MYO16: variants seen among roughly 807,000 people sequenced by gnomAD.
MYO16 encodes the protein myosin XVI.
Under a neutral mutation model 205.3 loss-of-function variants are expected in MYO16, and 94 were observed. That is an observed-to-expected ratio of 0.46 (90% confidence interval 0.39 to 0.54). The LOEUF (loss-of-function observed/expected upper bound fraction) is 0.54, where lower values mean the gene tolerates loss of function less well. Ranked by LOEUF, MYO16 falls within the 20% of genes least tolerant of loss-of-function variation. The pLI is 0.00. For synonymous variants in MYO16, 988 were observed against 954.0 expected (o/e 1.04, Z -0.66); for missense variants, 2,315 against 2,387.5 (o/e 0.97, Z 0.63).
chr13:109,192,486 C>T (rs1198905212), intron 34 of MYO16, among the ~76,000 whole-genome samples: 5 of 152,172 alleles, frequency 3.3e-5, no homozygotes, highest in Admixed American at 3.3e-4. Flanking sequence ...CCCAGAGTCA[C>T]AGTGGCAGAT....
chr13:108,770,446 C>T (rs1308708666), intron 4 of MYO16, among the ~76,000 whole-genome samples: 2 of 152,106 alleles, frequency 1.3e-5, no homozygotes, highest in Non-Finnish European at 2.9e-5. Context: ...ATTAAATACA[C>T]AATTTCCTCA....
intron 4 of MYO16, among the ~76,000 whole-genome samples, chr13:108,753,948 T>C (rs932484578): frequency 1.3e-5 from 2 of 152,226 alleles, no homozygotes; most frequent in Non-Finnish European, 2.9e-5. Flanking sequence ...ACAATAGATT[T>C]CATATCACCT....
the MYO16 span, among the ~76,000 whole-genome samples, chr13:108,547,798 A>T: frequency 6.6e-6 from 1 of 152,206 alleles, no homozygotes; most frequent in Middle Eastern, 3.2e-3. Flanking sequence ...AATAGTATGT[A>T]AATAAAGAAA....
intron 20 of MYO16, among the ~76,000 whole-genome samples, chr13:108,984,559 C>A (rs1044038868): frequency 6.6e-5 from 10 of 152,184 alleles, no homozygotes; most frequent in African/African-American, 2.4e-5. Flanking sequence ...TCACAGAAAT[C>A]TTCCACCCCA....
chr13:108,516,247 G>A, the MYO16 span, among the ~76,000 whole-genome samples: 11 of 151,618 alleles, frequency 7.3e-5, no homozygotes, highest in East Asian at 5.9e-4. Context: ...TTCCAGGCGC[G>A]TCCGTCACCC....
intron 34 of MYO16, among the ~76,000 whole-genome samples, chr13:109,197,250 T>C (rs1880199620): frequency 6.6e-6 from 1 of 152,236 alleles, no homozygotes; most frequent in African/African-American, 2.4e-5. Context: ...CAGAGCTTTC[T>C]AGTGTTTGAA....
At chr13:108,983,907 A>G (rs1435065552) in intron 20 of MYO16, among the ~76,000 whole-genome samples, 3 of 152,170 alleles carry the variant, frequency 2.0e-5, no homozygotes, top group African/African-American at 4.8e-5. Context: ...CCAACTACCT[A>G]TAGCACTCCT....
chr13:109,126,651 C>T (rs1464324990), intron 30 of MYO16, among the ~76,000 whole-genome samples: 2 of 152,162 alleles, frequency 1.3e-5, no homozygotes, highest in Non-Finnish European at 2.9e-5. Context: ...TGTTTATTTA[C>T]TGAATACCAG....
intron 32 of MYO16, among the ~76,000 whole-genome samples, chr13:109,146,313 C>A (rs189196973): frequency 6.6e-6 from 1 of 152,122 alleles, no homozygotes; most frequent in East Asian, 1.9e-4. Flanking sequence ...TACTTTTATT[C>A]CATAGGGCCA....
intron 16 of MYO16, among the ~76,000 whole-genome samples, chr13:108,914,002 G>T (rs187992877): frequency 6.6e-6 from 1 of 151,970 alleles, no homozygotes; most frequent in African/African-American, 2.4e-5. Flanking sequence ...GGCATCCCTG[G>T]AGTCTCTCTG....
chr13:108,993,299 A>G (rs775398344), intron 21 of MYO16, among the ~76,000 whole-genome samples: 1 of 152,108 alleles, frequency 6.6e-6, no homozygotes, highest in Non-Finnish European at 1.5e-5. Flanking sequence ...TGAAGACTCT[A>G]TAGTGAACTT....
intron 6 of MYO16, among the ~76,000 whole-genome samples, chr13:108,794,301 C>T (rs946523132): frequency 6.6e-6 from 1 of 152,196 alleles, no homozygotes; most frequent in Non-Finnish European, 1.5e-5. Context: ...TAACAACATA[C>T]ACCTGCATCC....
chr13:108,519,464 C>T, the MYO16 span, among the ~76,000 whole-genome samples: 48 of 151,908 alleles, frequency 3.2e-4, no homozygotes, highest in Admixed American at 2.6e-4. Flanking sequence ...TTCTAATCTG[C>T]GGATTTGACT....
chr13:109,169,347 TA>T (rs1878833733), intron 33 of MYO16, among the ~76,000 whole-genome samples: 1 of 145,536 alleles, frequency 6.9e-6, no homozygotes, highest in Non-Finnish European at 1.6e-5. Context: ...AATAAGAACA[TA>T]AGTTATTGAA....
At chr13:108,740,041 TC>T (rs1300384060) in intron 4 of MYO16, among the ~76,000 whole-genome samples, 41 of 152,176 alleles carry the variant, frequency 2.7e-4, no homozygotes, top group Non-Finnish European at 1.5e-5. Context: ...ATTCGTCTAA[TC>T]TTTTTTAGAG....
chr13:109,183,475 C>G (rs1879543950), intron 34 of MYO16, among the ~76,000 whole-genome samples: 1 of 152,208 alleles, frequency 6.6e-6, no homozygotes, highest in Non-Finnish European at 1.5e-5. Context: ...AGTTACACAT[C>G]TGTTTAGGGG....
chr13:108,708,024 C>T (rs1274955889), intron 2 of MYO16, among the ~76,000 whole-genome samples: 1 of 152,110 alleles, frequency 6.6e-6, no homozygotes. Flanking sequence ...AATCAGATAT[C>T]CCAGCCTGTG....
At chr13:108,867,980 G>T (rs1173310527) in intron 12 of MYO16, among the ~76,000 whole-genome samples, 1 of 152,150 alleles carries the variant, frequency 6.6e-6, no homozygotes, top group African/African-American at 2.4e-5. Flanking sequence ...ATGTTTTTGT[G>T]TGTAGCAATA....
chr13:108,972,360 A>AGC (rs1884076177), intron 20 of MYO16, among the ~76,000 whole-genome samples: 2 of 28,442 alleles, frequency 7.0e-5, no homozygotes, highest in African/African-American at 4.8e-4. Flanking sequence ...CCATATATAT[A>AGC]TATATATATA....
Sources: allele counts gnomAD v4.1 joint callset (sites outside exome capture counted in the v4.1 genomes callset), GRCh38; gene constraint gnomAD v4.1.1; transcripts MANE v1.5; gene names NCBI Gene and HGNC (gene_info 2026-07-23, HGNC 2026-07-21).